The following SDK1 variants were observed in gnomAD, a reference collection of about 807,000 sequenced individuals.
SDK1 encodes the protein protein sidekick-1.
SDK1 carries 157 observed loss-of-function variants against 245.5 expected under a neutral mutation model. The ratio of observed to expected loss-of-function variants is 0.64; its 90% CI spans 0.56 to 0.73. SDK1 has a LOEUF of 0.73. Among genes scored for constraint, SDK1 ranks in the 30% least tolerant of loss-of-function variants. SDK1 has a pLI of 0.00. For missense variants in SDK1, 3,583 were observed against 3,002.3 expected (o/e 1.19, Z -4.52); for synonymous variants, 1,647 against 1,278.5 (o/e 1.29, Z -6.15).
At chr7:3,340,740 C>T (rs548662536) in intron 1 of SDK1, among the ~76,000 whole-genome samples, 2 of 141,926 alleles carry the variant, frequency 1.4e-5, no homozygotes, top group African/African-American at 5.3e-5. Flanking sequence ...TCCCTGGAGC[C>T]TGGGAAACAG....
chr7:4,265,018 G>A (rs1562495533), intron 44 of SDK1, 106 bp from the exon 45 acceptor site: 8 of 1,492,020 alleles, frequency 5.4e-6, no homozygotes, highest in East Asian at 2.5e-5. Context: ...TGGAGACCGC[G>A]ACACACGCCC....
At chr7:3,625,220 A>T (rs1782075757) in intron 2 of SDK1, among the ~76,000 whole-genome samples, 1 of 152,218 alleles carries the variant, frequency 6.6e-6, no homozygotes, top group Non-Finnish European at 1.5e-5. Context: ...ATGATCTCAG[A>T]TTATACCAGG....
intron 8 of SDK1, among the ~76,000 whole-genome samples, chr7:3,959,591 C>G (rs190020392): frequency 6.6e-6 from 1 of 152,248 alleles, no homozygotes; most frequent in East Asian, 1.9e-4. Context: ...TTGTGAGTCC[C>G]CATTGTCTGT....
At chr7:4,210,746 C>G (rs1489485100) in intron 38 of SDK1, among the ~76,000 whole-genome samples, 1 of 152,234 alleles carries the variant, frequency 6.6e-6, no homozygotes, top group Admixed American at 6.5e-5. Context: ...AGGATTTTGA[C>G]TGGCTTGTTT....
chr7:3,458,482 T>C (rs754344218), intron 1 of SDK1, among the ~76,000 whole-genome samples: 1 of 152,144 alleles, frequency 6.6e-6, no homozygotes, highest in East Asian at 1.9e-4. Context: ...TTCCCTCTTT[T>C]ATTGCTCAGT....
At chr7:4,048,419 C>T (rs1012465986) in intron 17 of SDK1, among the ~76,000 whole-genome samples, 2 of 152,142 alleles carry the variant, frequency 1.3e-5, no homozygotes, top group Admixed American at 6.5e-5. Context: ...CGTCATCAGC[C>T]GTGCTGCTGG....
intron 2 of SDK1, among the ~76,000 whole-genome samples, chr7:3,619,656 C>G (rs1390194563): frequency 6.6e-6 from 1 of 152,168 alleles, no homozygotes; most frequent in African/African-American, 2.4e-5. Flanking sequence ...AAAAGTCTTT[C>G]CTAGCTGTTT....
intron 30 of SDK1, among the ~76,000 whole-genome samples, chr7:4,153,951 G>C (rs1025924531): frequency 7.9e-5 from 12 of 152,078 alleles, no homozygotes; most frequent in Non-Finnish European, 1.5e-4. Flanking sequence ...ACAGTACTGG[G>C]ATTACAGGCA....
chr7:3,545,721 G>C (rs1285246514), intron 1 of SDK1, among the ~76,000 whole-genome samples: 5 of 152,214 alleles, frequency 3.3e-5, no homozygotes, highest in Non-Finnish European at 5.9e-5. Flanking sequence ...AATTGGTTCT[G>C]TAGAAGCAGC....
chr7:4,145,524 G>A (rs1036731855), intron 28 of SDK1, among the ~76,000 whole-genome samples, 198 bp from the exon 29 acceptor site: 24 of 152,126 alleles, frequency 1.6e-4, no homozygotes, highest in African/African-American at 2.4e-4. Flanking sequence ...CAGGAAACAA[G>A]CTTCACAGGG....
chr7:4,031,705 G>A (rs1442925608), intron 17 of SDK1, among the ~76,000 whole-genome samples: 1 of 149,682 alleles, frequency 6.7e-6, no homozygotes, highest in African/African-American at 2.4e-5. Context: ...CAGAAGTGAA[G>A]TGAAATTTAT....
chr7:3,829,247 T>G (rs914634303), intron 5 of SDK1, among the ~76,000 whole-genome samples: 12 of 152,212 alleles, frequency 7.9e-5, no homozygotes, highest in African/African-American at 2.9e-4. Flanking sequence ...ATACACAGTT[T>G]TACAAAATTG....
At chr7:3,534,427 T>C (rs1778809537) in intron 1 of SDK1, among the ~76,000 whole-genome samples, 1 of 152,214 alleles carries the variant, frequency 6.6e-6, no homozygotes, top group African/African-American at 2.4e-5. Context: ...GATCATATAG[T>C]AATTATATTT....
In SDK1 at chr7:3,619,072, T is replaced by C; in HGVS notation, c.299-8T>C. 1 of 1,559,242 alleles carries C rather than the reference T, an allele frequency of 6.4e-7. No homozygotes were observed. The highest frequency in any genetic ancestry group is 1.2e-5 in the South Asian group (1 of 85,990). ...AGTTTTGTTTTGTTTTGTTTTTTAA[T>C]ATTTCAGATGATGTTGCTCCATATT... is the stretch of plus-strand genomic sequence containing the variant. On this transcript the variant is annotated splice_polypyrimidine_tract_variant and splice_region_variant and intron_variant, in intron 1 of 44. Coordinates refer to ENST00000404826, the MANE Select transcript of SDK1 (RefSeq NM_152744.4).
intron 1 of SDK1, among the ~76,000 whole-genome samples, chr7:3,573,151 A>G (rs1780171259): frequency 1.3e-5 from 2 of 152,056 alleles, no homozygotes; most frequent in African/African-American, 2.4e-5. Context: ...TGAGTTTTAA[A>G]TGGGGTGCTT....
chr7:3,504,178 A>ATGTGTGTGTGTGTGTGTG (rs1159786202), intron 1 of SDK1, among the ~76,000 whole-genome samples: 78 of 52,418 alleles, frequency 1.5e-3, no homozygotes, highest in South Asian at 3.2e-3. Context: ...TTATATATAT[A>ATGTGTGTGTGTGTGTGTG]TATATGTGTG....
chr7:4,077,195 T>C lies in SDK1; in HGVS notation c.3202+6T>C. The C allele has an allele frequency of 6.2e-7, 1 of 1,613,332 alleles. No individual in the cohort carries two copies. Among genetic ancestry groups the C allele is most frequent in the Non-Finnish European group, 8.5e-7 (1 of 1,179,456 alleles). On this transcript the variant is annotated splice_donor_region_variant and intron_variant, in intron 21 of 44. Transcript: ENST00000404826. Reference sequence around the variant, plus strand: ...TTCTTCTGGAGTGCCCCCAGGTCAGTAGAATCGTGTGCGGTCCTCCTGCTG... The same window carrying C: ...TTCTTCTGGAGTGCCCCCAGGTCAGCAGAATCGTGTGCGGTCCTCCTGCTG...
intron 4 of SDK1, among the ~76,000 whole-genome samples, chr7:3,708,185 A>G (rs1396953487): frequency 6.6e-6 from 1 of 152,146 alleles, no homozygotes; most frequent in African/African-American, 2.4e-5. Context: ...CACACACTTT[A>G]AAATGACCAG....
At chr7:4,246,779 G>A (rs556139074) in intron 44 of SDK1, among the ~76,000 whole-genome samples, 48 of 152,208 alleles carry the variant, frequency 3.2e-4, no homozygotes, top group African/African-American at 8.4e-4. Flanking sequence ...GCCTCCACGC[G>A]CTCCCTCCAG....
Sources: gnomAD v4.1 joint callset for allele counts (sites outside exome capture counted in the v4.1 genomes callset) on GRCh38, gnomAD v4.1.1 for gene constraint, MANE v1.5 for transcripts, NCBI Gene and HGNC (gene_info 2026-07-23, HGNC 2026-07-21) for gene names.